Variants in SOX6 observed in about 807,000 individuals in gnomAD.
The protein encoded by SOX6 is transcription factor SOX-6.
SOX6 carries 11 observed loss-of-function variants against 97.8 expected under a neutral mutation model. That is an observed-to-expected ratio of 0.11 (90% confidence interval 0.07 to 0.19). The LOEUF (loss-of-function observed/expected upper bound fraction) is 0.19. Ranked by LOEUF, SOX6 falls within the 10% of genes least tolerant of loss-of-function variation. The pLI, the probability that SOX6 is intolerant of heterozygous loss-of-function variation, is 1.00. For missense variants in SOX6, 810 were observed against 1,039.5 expected (o/e 0.78, Z 3.04); for synonymous variants, 360 against 371.4 (o/e 0.97, Z 0.35).
intron 3 of SOX6, among the ~76,000 whole-genome samples, chr11:16,275,804 ACTT>A (rs1854383392): frequency 6.6e-6 from 1 of 152,220 alleles, no homozygotes; most frequent in Non-Finnish European, 1.5e-5. Context: ...AATTTCAAGT[ACTT>A]CTTAGCTTTC....
chr11:16,327,132 A>T (rs1458202925), intron 2 of SOX6, among the ~76,000 whole-genome samples: 3 of 152,186 alleles, frequency 2.0e-5, no homozygotes, highest in East Asian at 1.9e-4. Context: ...CTGTCACTGC[A>T]TTCTATTCAA....
intron 4 of SOX6, among the ~76,000 whole-genome samples, chr11:16,565,544 G>T (rs1589987657): frequency 6.7e-6 from 1 of 149,006 alleles, no homozygotes; most frequent in African/African-American, 2.5e-5. Context: ...TTTTTTAAAA[G>T]AACCCACAAA....
chr11:16,413,512 CT>C (rs752774148), intron 1 of SOX6, among the ~76,000 whole-genome samples: 2,716 of 76,172 alleles, frequency 0.036, 90 homozygotes, highest in African/African-American at 0.12. Context: ...AAGACTTCTA[CT>C]TTTTTTTTTT....
intron 6 of SOX6, 99 bp from the exon 7 acceptor site, chr11:16,112,022 C>T (rs942201857): frequency 3.4e-6 from 5 of 1,453,640 alleles, no homozygotes; most frequent in Non-Finnish European, 4.7e-6. Context: ...CCCACACAGC[C>T]ACCCACCTCT....
chr11:16,400,345 A>G (rs1858520589), intron 1 of SOX6, among the ~76,000 whole-genome samples: 1 of 151,516 alleles, frequency 6.6e-6, no homozygotes, highest in Admixed American at 6.6e-5. Context: ...CTAAGAAGAC[A>G]TTTAAGCAAA....
chr11:16,334,665 T>C (rs1426262448), intron 2 of SOX6, among the ~76,000 whole-genome samples: 1 of 152,074 alleles, frequency 6.6e-6, no homozygotes. Flanking sequence ...TGACCTCAAG[T>C]GATCCACCTG....
chr11:16,092,105 C>T (rs1848702950), intron 9 of SOX6, among the ~76,000 whole-genome samples: 1 of 151,964 alleles, frequency 6.6e-6, no homozygotes, highest in Admixed American at 6.6e-5. Flanking sequence ...CTGACCCAAA[C>T]ATCTTCCTGC....
At chr11:16,495,625 C>T (rs1419227161) in intron 4 of SOX6, among the ~76,000 whole-genome samples, 1 of 152,222 alleles carries the variant, frequency 6.6e-6, no homozygotes, top group African/African-American at 2.4e-5. Context: ...AACACAAGCA[C>T]AGATCTGTTG....
rs541176443 is a variant in SOX6, at chr11:16,375,503, GA to G, written c.-4-34252del. 6.8e-3 allele frequency among the ~76,000 whole-genome samples: 911 copies of G among 134,208 alleles called. 10 individuals carry two copies. The highest frequency in any genetic ancestry group is 0.023 in the African/African-American group (851 of 36,698). The allele number at this position is 134,208 out of a possible 152,430, so 88.0% of individuals were successfully genotyped here. Reference sequence around the variant, plus strand: ...AAAGCACTAAGTGTTGTACAGAAAAGAAAAAAAAAAAAGAGAAGAAATTGTC... The same window carrying G: ...AAAGCACTAAGTGTTGTACAGAAAAGAAAAAAAAAAAGAGAAGAAATTGTC... On this transcript the variant is annotated intron_variant, in intron 1 of 15. Coordinates refer to the SOX6 transcript ENST00000396356.
At position 16,574,545 on chromosome 11, in the gene SOX6, A is replaced by T. The variant is rs529204962; in HGVS notation, n.609+37536T>A. ...ATTATCTTTATGACCTCAGATAGGA[A>T]ATAATTTCCTAAACAGCACAGGAAA... On this transcript the variant is annotated intron_variant and non_coding_transcript_variant, in intron 4 of 5. Transcript: ENST00000524520. Among the ~76,000 whole-genome samples the T allele has an allele frequency of 7.9e-5, 12 of 152,252 alleles. No individual in the cohort carries two copies. In the East Asian group the frequency reaches 2.1e-3, roughly 27 times the overall value.
At chr11:16,229,392 G>A (rs4601732) in intron 4 of SOX6, among the ~76,000 whole-genome samples, 147,560 of 152,090 alleles carry the variant, frequency 0.97, 71,728 homozygotes, top group East Asian at 1. Flanking sequence ...CAAAAGAAAA[G>A]GCATAAGAAT....
At chr11:16,056,600 C>T (rs1847821784) in intron 9 of SOX6, among the ~76,000 whole-genome samples, 1 of 152,192 alleles carries the variant, frequency 6.6e-6, no homozygotes, top group African/African-American at 2.4e-5. Flanking sequence ...CACCACACTT[C>T]TCTCTTCAGG....
intron 6 of SOX6, among the ~76,000 whole-genome samples, chr11:16,149,685 T>C (rs1850408928): frequency 6.6e-6 from 1 of 152,186 alleles, no homozygotes; most frequent in African/African-American, 2.4e-5. Context: ...TTGACTAGAA[T>C]AAGGATTTTA....
chr11:16,626,911 A>G (rs1848631033), intron 3 of SOX6, among the ~76,000 whole-genome samples: 1 of 152,156 alleles, frequency 6.6e-6, no homozygotes, highest in Non-Finnish European at 1.5e-5. Context: ...TGGGGTACAA[A>G]TTATCCCATC....
At chr11:16,271,937 C>A (rs148308291) in intron 3 of SOX6, among the ~76,000 whole-genome samples, 2 of 150,160 alleles carry the variant, frequency 1.3e-5, no homozygotes, top group African/African-American at 4.9e-5. Flanking sequence ...TAATTTAATT[C>A]ATTTATTTTA....
intron 13 of SOX6, among the ~76,000 whole-genome samples, chr11:16,013,301 C>T (rs1462513557): frequency 6.6e-6 from 1 of 152,004 alleles, no homozygotes; most frequent in Non-Finnish European, 1.5e-5. Flanking sequence ...AATTTAGGTA[C>T]TCTGCAGTAC....
intron 1 of SOX6, among the ~76,000 whole-genome samples, chr11:16,345,238 T>G (rs1856744915): frequency 6.6e-6 from 1 of 152,062 alleles, no homozygotes; most frequent in African/African-American, 2.4e-5. Flanking sequence ...AAAACTACAT[T>G]GTCAACTTAT....
intron 15 of SOX6, among the ~76,000 whole-genome samples, chr11:15,977,363 G>A (rs1853518390): frequency 6.6e-6 from 1 of 151,918 alleles, no homozygotes; most frequent in Non-Finnish European, 1.5e-5. Context: ...CCTAATCTCA[G>A]TTTTAAATAT....
chr11:16,622,419 C>T (rs1030254539), intron 3 of SOX6, among the ~76,000 whole-genome samples: 1 of 151,618 alleles, frequency 6.6e-6, no homozygotes, highest in Non-Finnish European at 1.5e-5. Flanking sequence ...ACCCTCATCC[C>T]CTCCCACCCT....
Sources: allele counts gnomAD v4.1 joint callset (sites outside exome capture counted in the v4.1 genomes callset), GRCh38; gene constraint gnomAD v4.1.1; transcripts MANE v1.5; gene names NCBI Gene and HGNC (gene_info 2026-07-23, HGNC 2026-07-21).